Variants in PREX1 observed in about 807,000 individuals in gnomAD.
The protein encoded by PREX1 is phosphatidylinositol-3,4,5-trisphosphate dependent Rac exchange factor 1.
In PREX1, 41 loss-of-function variants were observed where a neutral mutation model predicts 198.3. The observed-to-expected ratio is 0.21, with a 90% CI of 0.16 to 0.27. The LOEUF is 0.27. Among genes scored for constraint, PREX1 ranks in the 10% least tolerant of loss-of-function variants. The pLI, the probability that PREX1 is intolerant of heterozygous loss-of-function variation, is 1.00. For synonymous variants in PREX1, 843 were observed against 887.2 expected (o/e 0.95, Z 0.89); for missense variants, 1,620 against 2,200.7 (o/e 0.74, Z 5.28).
the PREX1 span, among the ~76,000 whole-genome samples, chr20:48,886,660 A>G: frequency 6.6e-6 from 1 of 152,248 alleles, no homozygotes; most frequent in Admixed American, 6.5e-5. Context: ...AGTAAAAGAC[A>G]AAAACAGAAG....
intron 1 of PREX1, among the ~76,000 whole-genome samples, chr20:48,750,725 G>A (rs1478655352): frequency 6.6e-6 from 1 of 152,176 alleles, no homozygotes; most frequent in East Asian, 1.9e-4. Flanking sequence ...TGCGTTAGGA[G>A]CTCATTTGAC....
intron 1 of PREX1, among the ~76,000 whole-genome samples, chr20:48,762,323 A>G (rs1045052184): frequency 6.6e-6 from 1 of 152,108 alleles, no homozygotes; most frequent in Non-Finnish European, 1.5e-5. Flanking sequence ...GAGATTCTCA[A>G]CTTTGGTACC....
intron 3 of PREX1, among the ~76,000 whole-genome samples, chr20:48,737,711 C>G (rs2090063402): frequency 6.6e-6 from 1 of 152,182 alleles, no homozygotes; most frequent in South Asian, 2.1e-4. Context: ...AGGACTCGAG[C>G]TGGAATCACT....
intron 5 of PREX1, among the ~76,000 whole-genome samples, chr20:48,720,330 A>G (rs2089979547): frequency 6.6e-6 from 1 of 152,130 alleles, no homozygotes; most frequent in Non-Finnish European, 1.5e-5. Flanking sequence ...ATTTGTCACC[A>G]TCTCCCCCAA....
intron 26 of PREX1, 78 bp downstream of exon 26, chr20:48,645,773 G>A: frequency 1.3e-6 from 2 of 1,482,640 alleles, no homozygotes; most frequent in Non-Finnish European, 1.8e-6. Context: ...CACTGATTCT[G>A]ATGTTGCCAC....
chr20:48,626,067 T>C (rs2089269793), intron 39 of PREX1, 140 bp from the exon 40 acceptor site: 1 of 957,756 alleles, frequency 1.0e-6, no homozygotes, highest in Non-Finnish European at 1.5e-6. Context: ...GAGAAAAATA[T>C]CTATGCTGTC....
At chr20:48,655,666 C>CCCACA (rs1194743771) in intron 18 of PREX1, among the ~76,000 whole-genome samples, 1 of 152,182 alleles carries the variant, frequency 6.6e-6, no homozygotes, top group African/African-American at 2.4e-5. Flanking sequence ...CCATCATTCT[C>CCCACA]CTGTCCTAAG....
chr20:48,827,101 G>C lies in PREX1; in HGVS notation c.219+541C>G, dbSNP rs367798192. Among the ~76,000 whole-genome samples, 1 of 152,088 alleles carries C rather than the reference G, an allele frequency of 6.6e-6. No homozygotes were observed. The highest frequency in any genetic ancestry group is 1.5e-5 in the Non-Finnish European group (1 of 68,004). ...TTTGAGTTCGAAACCCACTCTCCCC[G>C]AACTCCAGCAAAAACCTGTGCATGG... On this transcript the variant is annotated intron_variant, in intron 1 of 39. Coordinates refer to ENST00000371941, the MANE Select transcript of PREX1 (RefSeq NM_020820.4). This position sits in a 1 kb window ranked among gnomAD's most constrained non-coding sequence, Gnocchi z 4.1.
At chr20:48,694,431 A>G (rs1054652880) in intron 7 of PREX1, among the ~76,000 whole-genome samples, 7 of 152,240 alleles carry the variant, frequency 4.6e-5, no homozygotes, top group African/African-American at 1.4e-4. Flanking sequence ...GCACTGCTGA[A>G]CAAAACATCT....
chr20:48,774,454 T>G (rs1219802353), intron 1 of PREX1, among the ~76,000 whole-genome samples: 1 of 152,244 alleles, frequency 6.6e-6, no homozygotes, highest in Non-Finnish European at 1.5e-5. Context: ...AAGTGTGGTT[T>G]CTGGGGTTCA....
intron 14 of PREX1, among the ~76,000 whole-genome samples, chr20:48,669,204 T>C: frequency 7.1e-6 from 1 of 141,568 alleles, no homozygotes; most frequent in East Asian, 2.2e-4. Flanking sequence ...GCCTTTGCAC[T>C]CGTCCTTTCC....
chr20:48,847,374 A>C, the PREX1 span, among the ~76,000 whole-genome samples: 39 of 151,228 alleles, frequency 2.6e-4, 1 homozygote, highest in South Asian at 8.1e-3. Context: ...TAAAAAAAAA[A>C]AAAAAAAAAA....
rs762002626 is a variant in PREX1 at position 48,629,429 on chromosome 20, C to T, written c.4766+20G>A. On this transcript the variant is annotated intron_variant, in intron 37 of 39. Coordinates refer to ENST00000371941, the MANE Select transcript of PREX1 (RefSeq NM_020820.4). ...AGGCCAGCCCCTCCCCACACCCCGA[C>T]TCAGCGGGCAGCAGCTCACCTCTGC... 1.9e-6 allele frequency: 3 copies of T among 1,608,714 alleles called. No individual in the cohort carries two copies. Among genetic ancestry groups the T allele is most frequent in the South Asian group, 2.2e-5 (2 of 90,842 alleles).
chr20:48,726,403 C>T lies in PREX1; in HGVS notation c.520-12G>A. ...AGAAGCATGCAGCTCTGCAAAGGGA[C>T]AGGAGACCTTCATGAAACCCACCAA... On this transcript the variant is annotated splice_polypyrimidine_tract_variant and intron_variant, in intron 4 of 39. Transcript: ENST00000371941. 6.2e-7 allele frequency: 1 copy of T among 1,605,046 alleles called. No homozygotes were observed. The highest frequency in any genetic ancestry group is 1.7e-5 in the Admixed American group (1 of 59,416).
chr20:48,735,386 G>T (rs2122730216), intron 3 of PREX1, among the ~76,000 whole-genome samples: 1 of 152,246 alleles, frequency 6.6e-6, no homozygotes, highest in South Asian at 2.1e-4. Flanking sequence ...AGCTCATCTT[G>T]TTTCTAAACA....
intron 3 of PREX1, among the ~76,000 whole-genome samples, chr20:48,740,591 G>C (rs908849547): frequency 6.6e-6 from 1 of 152,248 alleles, no homozygotes; most frequent in Non-Finnish European, 1.5e-5. Context: ...GGGCCCACCT[G>C]TGTGCAAATC....
chr20:48,653,650 G>T (rs1343555881), intron 19 of PREX1, among the ~76,000 whole-genome samples, 153 bp from the exon 20 acceptor site: 1 of 152,146 alleles, frequency 6.6e-6, no homozygotes, highest in African/African-American at 2.4e-5. Flanking sequence ...TGACACTCCA[G>T]TGCAAAGAAT....
rs926687171 is a variant in PREX1 at position 48,822,765 on chromosome 20, T to C, written c.219+4877A>G. Among the ~76,000 whole-genome samples, 63 of 152,350 alleles carry C rather than the reference T, an allele frequency of 4.1e-4. 1 individual carries two copies. Among genetic ancestry groups the C allele is most frequent in the African/African-American group, 1.5e-3 (63 of 41,578 alleles). On this transcript the variant is annotated intron_variant, in intron 1 of 39. Transcript: ENST00000371941. Reference sequence around the variant, plus strand: ...CTCCAACCTAATGTCACCTTATACATATAACACACGTGTATATTATGGTTA... The same window carrying C: ...CTCCAACCTAATGTCACCTTATACACATAACACACGTGTATATTATGGTTA...
the PREX1 span, chr20:48,849,350 T>A: frequency 6.6e-6 from 1 of 152,224 alleles, no homozygotes; most frequent in Admixed American, 6.5e-5. Flanking sequence ...ATACTATGTG[T>A]CTTCTATGGA....
Sources: gnomAD v4.1 joint callset for allele counts (sites outside exome capture counted in the v4.1 genomes callset) on GRCh38, gnomAD v4.1.1 for gene constraint, Gnocchi (gnomAD v3.1) non-coding constraint, MANE v1.5 for transcripts, NCBI Gene and HGNC (gene_info 2026-07-23, HGNC 2026-07-21) for gene names.